The following TUBB6 variants were observed in gnomAD, a reference collection of about 807,000 sequenced individuals.
TUBB6 encodes the protein tubulin beta-6 chain.
TUBB6 carries 18 observed loss-of-function variants against 32.3 expected under a neutral mutation model. That is an observed-to-expected ratio of 0.56 (90% CI 0.39 to 0.83). The LOEUF (loss-of-function observed/expected upper bound fraction) is 0.83, where lower values mean the gene tolerates loss of function less well. TUBB6 is among the 40% of genes least tolerant of loss of function. The pLI is 0.00. For missense variants in TUBB6, 480 were observed against 632.0 expected (o/e 0.76, Z 2.58); for synonymous variants, 280 against 265.8 (o/e 1.05, Z -0.52).
chr18:12,329,344 T>C (rs886053613), downstream of TUBB6: 101 of 672,666 alleles, frequency 1.5e-4, no homozygotes, highest in African/African-American at 1.4e-3. Context: ...AATGAGGCTA[T>C]GGGACAGTGT....
chr18:12,308,414 C>T, intron 1 of TUBB6, 65 bp downstream of exon 1: 1 of 1,218,964 alleles, frequency 8.2e-7, no homozygotes, highest in Non-Finnish European at 1.0e-6. Flanking sequence ...GGTCTCCCGG[C>T]GCGACCCCCG....
intron 1 of TUBB6, 26 bp from the exon 2 acceptor site, chr18:12,308,661 T>A: frequency 6.6e-7 from 1 of 1,505,884 alleles, no homozygotes; most frequent in South Asian, 1.1e-5. Context: ...TCTGAGCGTC[T>A]GTCCCCCCGC....
Position 12,308,345 on chromosome 18 carries a change from C to A in TUBB6, c.53C>A (p.Thr18Asn). ...QAGQCGNQIG[T>N]KFWEVISDEH... ...GGCCAGTGCGGGAACCAGATCGGCA[C>A]CAAGGTGGGCCTGGCGCGGTGCAGG... Residue 18 changes from threonine to asparagine, a missense_variant, in exon 1 of 4, where the codon ACC (threonine) becomes AAC (asparagine). Physicochemically the swap from Thr to Asn is moderately conservative, Grantham distance 65. Transcript: ENST00000317702. 6.8e-7 allele frequency: 1 copy of A among 1,475,696 alleles called. No homozygotes were observed. The highest frequency in any genetic ancestry group is 9.0e-7 in the Non-Finnish European group (1 of 1,109,114). 91.4% of individuals were successfully genotyped at this position (1,475,696 alleles called of 1,614,324 possible). A position where few individuals can be genotyped will look rare whatever the true frequency, so the allele number is the denominator to read the frequency against.
At chr18:12,311,422 C>T (rs572566702) in intron 3 of TUBB6, among the ~76,000 whole-genome samples, 1 of 152,186 alleles carries the variant, frequency 6.6e-6, no homozygotes, top group Admixed American at 6.5e-5. Flanking sequence ...ACGGTGAAAC[C>T]CTGTCTCTAC....
At chr18:12,308,473 G>C in intron 1 of TUBB6, 124 bp downstream of exon 1, 2 of 851,140 alleles carry the variant, frequency 2.3e-6, no homozygotes, top group South Asian at 6.8e-5. Context: ...AGCCCGGTGC[G>C]GACCCGCGAG....
chr18:12,314,878 T>TA (rs918221394), intron 3 of TUBB6, among the ~76,000 whole-genome samples: 1 of 152,174 alleles, frequency 6.6e-6, no homozygotes, highest in African/African-American at 2.4e-5. Flanking sequence ...ATGCTTTTAA[T>TA]ATATTTAAAA....
intron 2 of TUBB6, among the ~76,000 whole-genome samples, chr18:12,310,218 G>A (rs1483608708): frequency 3.3e-5 from 5 of 151,786 alleles, no homozygotes; most frequent in Admixed American, 2.0e-4. Flanking sequence ...GGCCAGGCAC[G>A]GTGGCTCACC....
rs761459208 is a variant in TUBB6 at position 12,308,698 on chromosome 18, G to A, written c.69G>A (p.Val23=). ...GNQIGTKFWE[V]ISDEHGIDPA... ...TTGCCCTGCCCAAGTTTTGGGAAGT[G>A]ATCAGCGATGAGCACGGCATCGACC... Residue 23 remains valine, a synonymous_variant, in exon 2 of 4, where the codon GTG becomes GTA. Transcript: ENST00000317702. 4 of 1,611,652 alleles carry A rather than the reference G, an allele frequency of 2.5e-6. No individual in the cohort carries two copies. Among genetic ancestry groups the A allele is most frequent in the Non-Finnish European group, 3.4e-6 (4 of 1,178,068 alleles).
rs11548176 is a variant in TUBB6 at position 12,311,005 on chromosome 18, C to T, written c.229C>T (p.Arg77Trp). 16 of 1,613,498 alleles carry T rather than the reference C, an allele frequency of 9.9e-6. No homozygotes were observed. Among genetic ancestry groups the T allele is most frequent in the African/African-American group, 5.3e-5 (4 of 74,906 alleles). The change falls in exon 3 of 4, where the codon CGG becomes TGG. Residue 77 changes from arginine to tryptophan, a missense_variant. Arg to Trp is a moderately radical substitution (Grantham distance 101). Transcript: ENST00000317702. ...DLEPGTMDSV[R>W]SGPFGQLFRP... ...AGAGCCAGGCACCATGGACAGCGTG[C>T]GGTCTGGGCCTTTTGGGCAGCTTTT...
In TUBB6 at chr18:12,308,667, C is replaced by A. The variant is rs774404851; in HGVS notation, c.58-20C>A. The A allele has an allele frequency of 6.4e-7, 1 of 1,551,512 alleles. No individual in the cohort carries two copies. The highest frequency in any genetic ancestry group is 2.3e-5 in the East Asian group (1 of 44,338). ...GCTCTGGGTTCTGAGCGTCTGTCCC[C>A]CCGCCTTGCCCTGCCCAAGTTTTGG... On this transcript the variant is annotated intron_variant, in intron 1 of 3. Transcript: ENST00000317702.
intron 3 of TUBB6, among the ~76,000 whole-genome samples, chr18:12,323,634 C>A (rs901724427): frequency 8.6e-5 from 13 of 151,940 alleles, no homozygotes; most frequent in African/African-American, 3.1e-4. Context: ...GGTGAAACCC[C>A]ATCTCTACTA....
Position 12,323,988 on chromosome 18 carries a change from A to G in TUBB6, c.278-1079A>G, listed in dbSNP as rs376872288. ...GTATTTAATTATAGGGGCAGAATAA[A>G]TAATTGGTTCTGCAAACATTTTGCA... On this transcript the variant is annotated intron_variant, in intron 3 of 3. Coordinates refer to ENST00000317702, the MANE Select transcript of TUBB6 (RefSeq NM_032525.3). Among the ~76,000 whole-genome samples the G allele has an allele frequency of 2.3e-4, 35 of 152,216 alleles. 1 individual carries two copies. Among genetic ancestry groups the G allele is most frequent in the Non-Finnish European group, 2.9e-5 (2 of 68,028 alleles).
chr18:12,316,048 GC>G (rs1906658593), intron 3 of TUBB6, among the ~76,000 whole-genome samples: 2 of 152,252 alleles, frequency 1.3e-5, no homozygotes, highest in South Asian at 4.1e-4. Context: ...GGCCCAGTCT[GC>G]CCCAGGCCTG....
At chr18:12,327,351 G>A (rs1275948047), downstream of TUBB6, among the ~76,000 whole-genome samples, 3 of 152,146 alleles carry the variant, frequency 2.0e-5, no homozygotes, top group Non-Finnish European at 4.4e-5. Flanking sequence ...TTTGTCATTC[G>A]GGACCACTTA....
intron 2 of TUBB6, among the ~76,000 whole-genome samples, chr18:12,310,156 T>C (rs1294077329): frequency 6.6e-6 from 1 of 151,978 alleles, no homozygotes; most frequent in Non-Finnish European, 1.5e-5. Flanking sequence ...CTCATTCCAG[T>C]GTTAAGGTTC....
intron 3 of TUBB6, chr18:12,324,735 G>C: frequency 8.0e-7 from 1 of 1,247,378 alleles, no homozygotes; most frequent in Non-Finnish European, 1.0e-6. Flanking sequence ...ACAGGCATGA[G>C]CCACGGCGCC....
chr18:12,311,713 A>G (rs2144131161), intron 3 of TUBB6, among the ~76,000 whole-genome samples: 1 of 152,332 alleles, frequency 6.6e-6, no homozygotes, highest in Middle Eastern at 3.4e-3. Flanking sequence ...TATTGGTTTT[A>G]TCAGAATTAG....
At chr18:12,317,674 A>T (rs560575286) in intron 3 of TUBB6, among the ~76,000 whole-genome samples, 54 of 152,234 alleles carry the variant, frequency 3.5e-4, no homozygotes, top group African/African-American at 1.1e-3. Flanking sequence ...CACTTATTCC[A>T]TCACCCATTG....
chr18:12,313,270 A>T (rs1384049024), intron 3 of TUBB6, among the ~76,000 whole-genome samples: 2 of 152,226 alleles, frequency 1.3e-5, no homozygotes, highest in African/African-American at 2.4e-5. Context: ...AATGCAAATC[A>T]TGTAAAGGAA....
Sources: gnomAD v4.1 joint callset for allele counts (sites outside exome capture counted in the v4.1 genomes callset) on GRCh38, gnomAD v4.1.1 for gene constraint, MANE v1.5 for transcripts, NCBI Gene and HGNC (gene_info 2026-07-23, HGNC 2026-07-21) for gene names.